MAML3: variants seen among roughly 807,000 people sequenced by gnomAD.
The protein encoded by MAML3 is mastermind-like protein 3.
MAML3 carries 27 observed loss-of-function variants against 101.9 expected under a neutral mutation model. That is an observed-to-expected ratio of 0.27 (90% CI 0.20 to 0.37). The LOEUF is 0.37. Ranked by LOEUF, MAML3 falls within the 10% of genes least tolerant of loss-of-function variation. The pLI is 1.00. For synonymous variants in MAML3, 501 were observed against 555.9 expected (o/e 0.90, Z 1.39); for missense variants, 1,316 against 1,444.9 (o/e 0.91, Z 1.45).
chr4:139,932,137 A>G (rs527879105), intron 1 of MAML3, among the ~76,000 whole-genome samples: 1 of 151,542 alleles, frequency 6.6e-6, no homozygotes, highest in Non-Finnish European at 1.5e-5. Context: ...AATAAAAGGT[A>G]CTCAATTCTT....
At chr4:140,134,571 A>C (rs545609795) in intron 1 of MAML3, 2 of 345,898 alleles carry the variant, frequency 5.8e-6, no homozygotes, top group African/African-American at 4.3e-5. Flanking sequence ...GCCCAGTGTT[A>C]AAATATAAAC....
At chr4:140,151,202 AGGGAGGAGGAAGGGGAGG>A (rs1292611893) in intron 1 of MAML3, among the ~76,000 whole-genome samples, 1 of 150,048 alleles carries the variant, frequency 6.7e-6, no homozygotes, top group Non-Finnish European at 1.5e-5. Flanking sequence ...AGGAGGAGGA[AGGGAGGAGGAAGGGGAGG>A]GGGAGGAGGA....
chr4:139,897,589 C>A (rs1484574075), intron 1 of MAML3, among the ~76,000 whole-genome samples: 1 of 152,194 alleles, frequency 6.6e-6, no homozygotes, highest in African/African-American at 2.4e-5. Flanking sequence ...GCCCACAATG[C>A]CACTACCCCA....
intron 1 of MAML3, among the ~76,000 whole-genome samples, chr4:139,961,209 A>C (rs1734007878): frequency 6.6e-6 from 1 of 152,212 alleles, no homozygotes. Context: ...TGTTTCTCAA[A>C]GCTACTAAAA....
chr4:139,968,192 C>T (rs1734171984), intron 1 of MAML3, among the ~76,000 whole-genome samples: 1 of 151,016 alleles, frequency 6.6e-6, no homozygotes, highest in Non-Finnish European at 1.5e-5. Flanking sequence ...TATACAATGA[C>T]ATTTTTAAGT....
At chr4:139,948,793 C>A (rs771076347) in intron 1 of MAML3, among the ~76,000 whole-genome samples, 1 of 152,132 alleles carries the variant, frequency 6.6e-6, no homozygotes, top group African/African-American at 2.4e-5. Context: ...TATATTAATA[C>A]AATTAAACCT....
At chr4:139,842,509 C>CATTTTT (rs995796785) in intron 2 of MAML3, among the ~76,000 whole-genome samples, 1 of 122,126 alleles carries the variant, frequency 8.2e-6, no homozygotes, top group African/African-American at 3.4e-5. Context: ...AGAAAGGAGG[C>CATTTTT]ATTTTTATTT....
At chr4:140,016,897 G>T (rs1343447669) in intron 1 of MAML3, among the ~76,000 whole-genome samples, 1 of 152,230 alleles carries the variant, frequency 6.6e-6, no homozygotes, top group African/African-American at 2.4e-5. Context: ...GGGAGCTAGA[G>T]CTAGGAAAGA....
At chr4:140,152,494 G>T (rs1729191398) in intron 1 of MAML3, among the ~76,000 whole-genome samples, 1 of 152,100 alleles carries the variant, frequency 6.6e-6, no homozygotes, top group African/African-American at 2.4e-5. Flanking sequence ...GCGGCGAAGA[G>T]GAGGAGCAAG....
chr4:139,798,817 G>T (rs1252674692), intron 2 of MAML3, among the ~76,000 whole-genome samples: 1 of 152,174 alleles, frequency 6.6e-6, no homozygotes, highest in East Asian at 1.9e-4. Flanking sequence ...TTTTGGTATT[G>T]TACTTCAGAA....
intron 1 of MAML3, among the ~76,000 whole-genome samples, chr4:139,905,580 T>A (rs186136262): frequency 1.3e-5 from 2 of 152,132 alleles, no homozygotes; most frequent in East Asian, 3.9e-4. Flanking sequence ...TTTCTAGGGC[T>A]GCCATAACAA....
In MAML3 at chr4:140,153,067, G is replaced by T; in HGVS notation, c.261C>A (p.His87Gln). The T allele has an allele frequency of 6.4e-7, 1 of 1,566,874 alleles. No individual in the cohort carries two copies. The highest frequency in any genetic ancestry group is 8.7e-7 in the Non-Finnish European group (1 of 1,155,680). ...LRQRIEGCRR[H>Q]HVNCENRYQQ... ...GGTACCTGTTCTCGCAGTTGACGTG[G>T]TGCCGACGGCAGCCCTCGATGCGCT... The change falls in exon 1 of 5, where the codon CAC becomes CAA. Residue 87 changes from histidine to glutamine, a missense_variant. His to Gln is a conservative substitution (Grantham distance 24). Coordinates refer to ENST00000509479, the MANE Select transcript of MAML3 (RefSeq NM_018717.5).
chr4:139,804,589 C>G (rs1020522369), intron 2 of MAML3, among the ~76,000 whole-genome samples: 1 of 152,078 alleles, frequency 6.6e-6, no homozygotes, highest in African/African-American at 2.4e-5. Flanking sequence ...TTAATACATT[C>G]ATGGATCCCA....
chr4:140,061,268 A>G (rs1727443886), intron 1 of MAML3, among the ~76,000 whole-genome samples: 1 of 152,226 alleles, frequency 6.6e-6, no homozygotes, highest in South Asian at 2.1e-4. Flanking sequence ...GTCCCTAAGT[A>G]AGTTAAACAG....
At chr4:140,004,695 C>T (rs1384676102) in intron 1 of MAML3, among the ~76,000 whole-genome samples, 1 of 152,020 alleles carries the variant, frequency 6.6e-6, no homozygotes, top group Non-Finnish European at 1.5e-5. Context: ...CCAGGAAAAA[C>T]GCAGCGCTCA....
intron 1 of MAML3, among the ~76,000 whole-genome samples, chr4:140,020,946 T>C (rs1474944776): frequency 1.3e-5 from 2 of 152,206 alleles, no homozygotes; most frequent in Non-Finnish European, 2.9e-5. Context: ...CCTCTGATAG[T>C]TGCAAAAAAC....
intron 2 of MAML3, among the ~76,000 whole-genome samples, chr4:139,754,734 C>G (rs1165255430): frequency 6.6e-6 from 1 of 152,166 alleles, no homozygotes; most frequent in African/African-American, 2.4e-5. Context: ...ACAAGGGTGT[C>G]TGGATTATAC....
At chr4:140,042,441 T>A (rs13147927) in intron 1 of MAML3, among the ~76,000 whole-genome samples, 77,906 of 151,842 alleles carry the variant, frequency 0.51, 23,385 homozygotes, top group East Asian at 0.95. Flanking sequence ...GAGACCATCC[T>A]GGCTAACATG....
rs1056194767 is a variant in MAML3 at position 140,153,859 on chromosome 4, C to A, written c.-532G>T. The A allele has an allele frequency of 9.1e-5, 14 of 154,210 alleles. No homozygotes were observed. Among genetic ancestry groups the A allele is most frequent in the African/African-American group, 3.4e-4 (14 of 41,480 alleles). The allele number at this position is 154,210 out of a possible 1,614,324, so 9.6% of individuals were successfully genotyped here. A position where few individuals can be genotyped will look rare whatever the true frequency, so the allele number is the denominator to read the frequency against. On this transcript the variant is annotated 5_prime_UTR_variant, in exon 1 of 5. Coordinates refer to ENST00000509479, the MANE Select transcript of MAML3 (RefSeq NM_018717.5). Reference sequence around the variant, plus strand: ...AAGCTTGCTTATTGCATTTTCCTTCCACAAAAAAGTTTTGGTGTTTATGCC... The same window carrying A: ...AAGCTTGCTTATTGCATTTTCCTTCAACAAAAAAGTTTTGGTGTTTATGCC...
Sources: gnomAD v4.1 joint callset for allele counts (sites outside exome capture counted in the v4.1 genomes callset) on GRCh38, gnomAD v4.1.1 for gene constraint, MANE v1.5 for transcripts, NCBI Gene and HGNC (gene_info 2026-07-23, HGNC 2026-07-21) for gene names.